TAOK3: variants seen among roughly 807,000 people sequenced by gnomAD.
The protein encoded by TAOK3 is TAO kinase 3.
A neutral mutation model predicts 120.4 loss-of-function variants in TAOK3; 40 were observed. The ratio of observed to expected loss-of-function variants is 0.33; its 90% CI spans 0.26 to 0.43. The LOEUF is 0.43. TAOK3 is among the 20% of genes least tolerant of loss of function. The pLI, the probability that TAOK3 is intolerant of heterozygous loss-of-function variation, is 1.00. For synonymous variants in TAOK3, 355 were observed against 387.5 expected, an observed-to-expected ratio of 0.92 and a Z score of 0.99; for missense variants, 821 against 1,112.1, an observed-to-expected ratio of 0.74 and a Z score of 3.72.
chr12:118,249,873 CT>C (rs1411358892), intron 3 of TAOK3, among the ~76,000 whole-genome samples: 1 of 151,984 alleles, frequency 6.6e-6, no homozygotes, highest in African/African-American at 2.4e-5. Context: ...AGTGAAAAAG[CT>C]TTCTTTTTGC....
intron 1 of TAOK3, among the ~76,000 whole-genome samples, chr12:118,272,322 A>G (rs1337133408): frequency 6.6e-6 from 1 of 151,474 alleles, no homozygotes; most frequent in Non-Finnish European, 1.5e-5. Context: ...AGAAAGAAAG[A>G]AAGAAAGAAC....
intron 9 of TAOK3, among the ~76,000 whole-genome samples, chr12:118,228,693 A>G (rs1227188726): frequency 6.6e-6 from 1 of 152,194 alleles, no homozygotes; most frequent in African/African-American, 2.4e-5. Context: ...TCTGGCTACT[A>G]TAAAAACAGT....
At chr12:118,180,246 CCTT>C (rs1455975757) in intron 15 of TAOK3, among the ~76,000 whole-genome samples, 4 of 147,822 alleles carry the variant, frequency 2.7e-5, no homozygotes, top group African/African-American at 1.0e-4. Context: ...CTGTGCCTGG[CCTT>C]TTTTTTTTTG....
At chr12:118,266,279 GC>G (rs1263297095) in intron 2 of TAOK3, among the ~76,000 whole-genome samples, 3 of 151,940 alleles carry the variant, frequency 2.0e-5, no homozygotes, top group Non-Finnish European at 4.4e-5. Flanking sequence ...CGCAACCTCT[GC>G]CTCCTGGGTT....
intron 2 of TAOK3, among the ~76,000 whole-genome samples, chr12:118,263,939 G>A (rs997393227): frequency 3.3e-5 from 5 of 152,112 alleles, no homozygotes; most frequent in Non-Finnish European, 7.4e-5. Context: ...TGTGGTGAGC[G>A]CCTGTAATCC....
In TAOK3 at chr12:118,218,934, C is replaced by T. The variant is rs76513186; in HGVS notation, c.644-4824G>A. 6.5e-3 allele frequency among the ~76,000 whole-genome samples: 984 copies of T among 152,170 alleles called. 13 individuals are homozygous for T. Among genetic ancestry groups the T allele is most frequent in the African/African-American group, 0.022 (931 of 41,504 alleles). On this transcript the variant is annotated intron_variant, in intron 9 of 20. Transcript: ENST00000392533. ...CACCACTGCACTCCAGCCTGGGTGACAGAGTGAGACCTTGTCTCATAAATA... is the reference window on the plus strand; with the variant it reads ...CACCACTGCACTCCAGCCTGGGTGATAGAGTGAGACCTTGTCTCATAAATA...
chr12:118,242,683 A>G (rs988087924), intron 5 of TAOK3, among the ~76,000 whole-genome samples: 2 of 152,046 alleles, frequency 1.3e-5, no homozygotes, highest in Admixed American at 6.6e-5. Context: ...AACATGGTGA[A>G]CCCTATCTCT....
chr12:118,250,705 A>G (rs2040713201), intron 3 of TAOK3, among the ~76,000 whole-genome samples: 1 of 152,188 alleles, frequency 6.6e-6, no homozygotes, highest in African/African-American at 2.4e-5. Context: ...GAGGATAGAC[A>G]ATAACAAAAA....
intron 1 of TAOK3, among the ~76,000 whole-genome samples, chr12:118,310,044 G>A (rs2043206719): frequency 6.6e-6 from 1 of 152,116 alleles, no homozygotes; most frequent in African/African-American, 2.4e-5. Context: ...GGAGGCTGAG[G>A]CAGGCAGATC....
intron 2 of TAOK3, among the ~76,000 whole-genome samples, chr12:118,265,215 C>T (rs1220465457): frequency 3.3e-5 from 5 of 151,244 alleles, no homozygotes; most frequent in Non-Finnish European, 7.4e-5. Context: ...ATGGTGAAAC[C>T]CCGTCTCTAC....
rs148028385 is a variant in TAOK3, at chr12:118,344,006, T to C, written c.-194+28642A>G. Among the ~76,000 whole-genome samples the C allele has an allele frequency of 1.8e-3, 266 of 146,912 alleles. 4 individuals are homozygous for C. The East Asian group carries it at 0.024, about 13-fold the overall frequency. On this transcript the variant is annotated intron_variant, in intron 1 of 20. Transcript: ENST00000392533. ...CAGCCTGGGGGACAGAGCGAGACTG[T>C]CTAAAAAAAAAAAAAATCCACTAGA...
At chr12:118,265,482 G>T (rs530120078) in intron 2 of TAOK3, among the ~76,000 whole-genome samples, 1 of 150,438 alleles carries the variant, frequency 6.6e-6, no homozygotes, top group South Asian at 2.1e-4. Context: ...AAAAGAGACA[G>T]GTAGGAAAAC....
At chr12:118,201,258 G>T (rs773082933) in intron 12 of TAOK3, 38 bp downstream of exon 12, 4 of 1,561,312 alleles carry the variant, frequency 2.6e-6, no homozygotes, top group Non-Finnish European at 3.5e-6. Context: ...CACATAGTGG[G>T]CATTCTATAA....
At chr12:118,181,664 C>G (rs1357463483) in intron 14 of TAOK3, 57 bp from the exon 15 acceptor site, 1 of 1,487,874 alleles carries the variant, frequency 6.7e-7, no homozygotes, top group Non-Finnish European at 9.3e-7. Flanking sequence ...GACAAGCTTT[C>G]ATGCAAAGTA....
chr12:118,319,946 G>C (rs1470976001), intron 1 of TAOK3, among the ~76,000 whole-genome samples: 1 of 152,174 alleles, frequency 6.6e-6, no homozygotes, highest in South Asian at 2.1e-4. Flanking sequence ...GAAACAACGT[G>C]AAGTGTCCAT....
chr12:118,222,971 C>T (rs1014341018), intron 9 of TAOK3, among the ~76,000 whole-genome samples: 62 of 151,364 alleles, frequency 4.1e-4, no homozygotes, highest in African/African-American at 1.5e-3. Context: ...AGAGTGTCTA[C>T]TGGGCTTAAT....
At position 118,161,236 on chromosome 12, in the gene TAOK3, T is replaced by C. The variant is rs904344452; in HGVS notation, c.2139+552A>G. Among the ~76,000 whole-genome samples, 1 of 152,220 alleles carries C rather than the reference T, an allele frequency of 6.6e-6. No individual in the cohort carries two copies. Among genetic ancestry groups the C allele is most frequent in the Non-Finnish European group, 1.5e-5 (1 of 68,036 alleles). ...GGCTTAGTACACAGAGCTTGTTAAT[T>C]AGCAGTCAGCTAAAATTAGCTGGAG... On this transcript the variant is annotated intron_variant, in intron 18 of 20. Transcript: ENST00000392533. The surrounding 1 kb of genome is among the most constrained non-coding windows in gnomAD (Gnocchi z 4.5).
intron 1 of TAOK3, among the ~76,000 whole-genome samples, chr12:118,352,971 A>C (rs986610173): frequency 1.3e-5 from 2 of 152,192 alleles, no homozygotes; most frequent in Admixed American, 6.5e-5. Flanking sequence ...TGACCTCCCA[A>C]AGTGTTGGGA....
chr12:118,350,235 A>G (rs1361746396), intron 1 of TAOK3, among the ~76,000 whole-genome samples: 2 of 152,178 alleles, frequency 1.3e-5, no homozygotes, highest in Admixed American at 6.5e-5. Flanking sequence ...AGAACAGTAC[A>G]GAGTTATTTA....
Sources: gnomAD v4.1 joint callset for allele counts (sites outside exome capture counted in the v4.1 genomes callset) on GRCh38, gnomAD v4.1.1 for gene constraint, Gnocchi (gnomAD v3.1) non-coding constraint, MANE v1.5 for transcripts, NCBI Gene and HGNC (gene_info 2026-07-23, HGNC 2026-07-21) for gene names.